The following ST3GAL3 variants were observed in gnomAD, a reference collection of about 807,000 sequenced individuals.
ST3GAL3 encodes ST3 beta-galactoside alpha-2,3-sialyltransferase 3, also known as CMP-N-acetylneuraminate-beta-1,4-galactoside alpha-2,3-sialyltransferase.
ST3GAL3 carries 21 observed loss-of-function variants against 50.1 expected under a neutral mutation model. That is an observed-to-expected ratio of 0.42 (90% confidence interval 0.30 to 0.60). The LOEUF is 0.60. Among genes scored for constraint, ST3GAL3 ranks in the 20% least tolerant of loss-of-function variants. The pLI, the probability that ST3GAL3 is intolerant of heterozygous loss-of-function variation, is 0.19. For missense variants in ST3GAL3, 353 were observed against 489.4 expected (o/e 0.72, Z 2.63); for synonymous variants, 183 against 190.0 (o/e 0.96, Z 0.30).
chr1:43,848,727 T>C (rs1219204682), intron 5 of ST3GAL3, among the ~76,000 whole-genome samples: 1 of 152,220 alleles, frequency 6.6e-6, no homozygotes, highest in Non-Finnish European at 1.5e-5. Flanking sequence ...CTTGTTTACA[T>C]ATTTTCTCAA....
intron 5 of ST3GAL3, among the ~76,000 whole-genome samples, chr1:43,856,106 A>G (rs1164597038): frequency 6.6e-6 from 1 of 152,242 alleles, no homozygotes; most frequent in Admixed American, 6.5e-5. Context: ...TCTTTTATCA[A>G]GATCAGTCAA....
intron 11 of ST3GAL3, 131 bp downstream of exon 11, chr1:43,921,059 C>T: frequency 1.9e-6 from 2 of 1,074,702 alleles, no homozygotes; most frequent in South Asian, 1.5e-5. Flanking sequence ...CACCAAGCAT[C>T]CTACGTGCCC....
chr1:43,759,065 G>GCGCGCGCACA (rs60386464), intron 2 of ST3GAL3, among the ~76,000 whole-genome samples: 7 of 75,360 alleles, frequency 9.3e-5, no homozygotes, highest in East Asian at 3.3e-4. Flanking sequence ...AAAAGCGCGC[G>GCGCGCGCACA]CACACACACA....
chr1:43,921,027 A>G (rs1434318252), intron 11 of ST3GAL3, 99 bp downstream of exon 11: 5 of 1,397,682 alleles, frequency 3.6e-6, no homozygotes, highest in Non-Finnish European at 3.9e-6. Context: ...CTGGCTGCCC[A>G]GAACTCCCCA....
At chr1:43,771,749 TG>T (rs1471950214) in intron 2 of ST3GAL3, 7 of 393,814 alleles carry the variant, frequency 1.8e-5, no homozygotes, top group Non-Finnish European at 3.1e-5. Flanking sequence ...TGTGTGTGTG[TG>T]TGTGTGTGTG....
intron 2 of ST3GAL3, among the ~76,000 whole-genome samples, chr1:43,776,795 C>T (rs1034725762): frequency 5.3e-5 from 8 of 152,162 alleles, no homozygotes; most frequent in African/African-American, 9.7e-5. Flanking sequence ...TCAGTTGGGG[C>T]GCTGAAAGCT....
At chr1:43,813,452 C>A (rs2060807437) in intron 3 of ST3GAL3, among the ~76,000 whole-genome samples, 1 of 152,118 alleles carries the variant, frequency 6.6e-6, no homozygotes, top group Admixed American at 6.5e-5. Flanking sequence ...TAAGGCAAGT[C>A]TTTCATCCAT....
At position 43,882,319 on chromosome 1, in the gene ST3GAL3, C is replaced by T. The variant is rs965366064; in HGVS notation, c.303-12064C>T. Among the ~76,000 whole-genome samples, 4 of 152,092 alleles carry T rather than the reference C, an allele frequency of 2.6e-5. No individual in the cohort carries two copies. The East Asian group carries it at 5.8e-4, about 22-fold the overall frequency. On this transcript the variant is annotated intron_variant, in intron 5 of 11. Coordinates refer to ENST00000347631, the MANE Select transcript of ST3GAL3 (RefSeq NM_006279.5). ...ACTCTGGAAATTATACATAGTTGTA[C>T]GGGGCTAAAGCATAGGGAAAGGGAG... is the stretch of plus-strand genomic sequence containing the variant.
intron 5 of ST3GAL3, among the ~76,000 whole-genome samples, chr1:43,848,289 GTTTTCTTTT>G (rs2066613097): frequency 1.5e-5 from 1 of 67,548 alleles, no homozygotes; most frequent in Non-Finnish European, 2.9e-5. Flanking sequence ...CCTTGTTGTG[GTTTTCTTTT>G]TTTTTTTTTT....
chr1:43,747,223 C>T (rs1684112352), intron 2 of ST3GAL3, among the ~76,000 whole-genome samples: 1 of 152,100 alleles, frequency 6.6e-6, no homozygotes, highest in African/African-American at 2.4e-5. Flanking sequence ...GCCTGGCCAG[C>T]ATGGTGAAAC....
At chr1:43,779,545 A>G (rs1698657256) in intron 2 of ST3GAL3, among the ~76,000 whole-genome samples, 1 of 152,176 alleles carries the variant, frequency 6.6e-6, no homozygotes, top group Admixed American at 6.5e-5. Flanking sequence ...CTGAATCTCT[A>G]ATAACAAGTG....
At chr1:43,831,417 A>G (rs1466500772) in intron 4 of ST3GAL3, among the ~76,000 whole-genome samples, 1 of 152,222 alleles carries the variant, frequency 6.6e-6, no homozygotes, top group Non-Finnish European at 1.5e-5. Flanking sequence ...AGAGATACTT[A>G]TGTATTTGTT....
At chr1:43,802,469 A>G (rs376791029) in intron 3 of ST3GAL3, among the ~76,000 whole-genome samples, 1 of 152,260 alleles carries the variant, frequency 6.6e-6, no homozygotes, top group East Asian at 1.9e-4. Flanking sequence ...TGCAAAATGT[A>G]TATGAATTCT....
Position 43,838,274 on chromosome 1 carries a change from G to C in ST3GAL3, c.265G>C (p.Gly89Arg). 6.2e-7 allele frequency: 1 copy of C among 1,614,004 alleles called. No homozygotes were observed. Among genetic ancestry groups the C allele is most frequent in the Middle Eastern group, 1.6e-4 (1 of 6,062 alleles). The change falls in exon 5 of 12, where the codon GGC becomes CGC. Residue 89 changes from glycine (G) to arginine (R), a missense_variant. Transcript: ENST00000347631. The part of the protein sequence containing the change: ...ANFSEGACKP[G>R]YASALMTAIF... Reference sequence around the variant, plus strand: ...CTTTTCAGAGGGAGCTTGCAAGCCTGGCTATGCTTCAGCCTTGATGACGGC... The same window carrying C: ...CTTTTCAGAGGGAGCTTGCAAGCCTCGCTATGCTTCAGCCTTGATGACGGC...
At chr1:43,889,005 C>T (rs1570731234) in intron 5 of ST3GAL3, among the ~76,000 whole-genome samples, 1 of 152,116 alleles carries the variant, frequency 6.6e-6, no homozygotes, top group East Asian at 1.9e-4. Flanking sequence ...CTAGTAGCAC[C>T]TACTTTACAA....
intron 5 of ST3GAL3, among the ~76,000 whole-genome samples, chr1:43,888,635 G>T (rs1361910828): frequency 6.6e-6 from 1 of 152,008 alleles, no homozygotes; most frequent in Non-Finnish European, 1.5e-5. Context: ...TATAGAAAAA[G>T]AACTGCAAAT....
At chr1:43,887,120 A>G (rs1377460176) in intron 5 of ST3GAL3, among the ~76,000 whole-genome samples, 1 of 152,198 alleles carries the variant, frequency 6.6e-6, no homozygotes, top group East Asian at 1.9e-4. Context: ...TTGGAAAAGG[A>G]TAGAGTTTAT....
At chr1:43,716,261 C>T (rs1217216577) in intron 1 of ST3GAL3, among the ~76,000 whole-genome samples, 1 of 152,184 alleles carries the variant, frequency 6.6e-6, no homozygotes, top group Non-Finnish European at 1.5e-5. Context: ...ATACTGTTTA[C>T]ATTTGCCATC....
chr1:43,774,384 A>T (rs1394671187), intron 2 of ST3GAL3, among the ~76,000 whole-genome samples: 2 of 152,148 alleles, frequency 1.3e-5, no homozygotes, highest in Non-Finnish European at 2.9e-5. Flanking sequence ...TTTTGTAATG[A>T]TTTGTTTCCA....
Sources: allele counts gnomAD v4.1 joint callset (sites outside exome capture counted in the v4.1 genomes callset), GRCh38; gene constraint gnomAD v4.1.1; transcripts MANE v1.5; gene names NCBI Gene and HGNC (gene_info 2026-07-23, HGNC 2026-07-21).